The following ANK2 variants were observed in gnomAD, a reference collection of about 807,000 sequenced individuals.
ANK2 encodes the protein ankyrin 2.
A neutral mutation model predicts 360.5 loss-of-function variants in ANK2; 83 were observed. The ratio of observed to expected loss-of-function variants is 0.23; its 90% CI spans 0.19 to 0.28. ANK2 has a LOEUF of 0.28. Among genes scored for constraint, ANK2 ranks in the 10% least tolerant of loss-of-function variants. The pLI is 1.00. For synonymous variants in ANK2, 1,740 were observed against 1,759.5 expected (o/e 0.99, Z 0.28); for missense variants, 4,201 against 4,795.7 (o/e 0.88, Z 3.66).
In ANK2 at chr4:113,116,981, T is replaced by A. The variant is rs56086085; in HGVS notation, c.85-57435T>A. 1.0e-3 allele frequency: 270 copies of A among 259,876 alleles called. 1 individual carries two copies. The highest frequency in any genetic ancestry group is 3.0e-3 in the African/African-American group (135 of 45,258). The allele number at this position is 259,876 out of a possible 1,614,324, so 16.1% of individuals were successfully genotyped here. On this transcript the variant is annotated intron_variant, in intron 1 of 45. Transcript: ENST00000357077. The stretch of plus-strand genomic sequence containing the variant: ...AACTGCTGAAGAGCTGGAAGTCTAG[T>A]GCTCCGCCTTCCCCCGGGACCATTT...
At chr4:113,194,890 A>G (rs924089854) in intron 2 of ANK2, among the ~76,000 whole-genome samples, 1 of 152,160 alleles carries the variant, frequency 6.6e-6, no homozygotes, top group Non-Finnish European at 1.5e-5. Context: ...GGTATGCAGT[A>G]TATATAAAAT....
In ANK2 at chr4:113,381,582, A is replaced by C. The variant is rs1332833713; in HGVS notation, c.*111A>C. On this transcript the variant is annotated 3_prime_UTR_variant, in exon 46 of 46. Coordinates refer to ENST00000357077, the MANE Select transcript of ANK2 (RefSeq NM_001148.6). ...CTAGACCAGGACGACCTCCAGCGCG[A>C]TCTCCAGCAGCTCCTTCGGCATTTC... 5 of 1,599,400 alleles carry C rather than the reference A, an allele frequency of 3.1e-6. No individual in the cohort carries two copies. In the African/African-American group the frequency reaches 6.7e-5, roughly 21 times the overall value.
At chr4:112,713,407 T>C in the ANK2 span, among the ~76,000 whole-genome samples, 1 of 152,172 alleles carries the variant, frequency 6.6e-6, no homozygotes, top group Admixed American at 6.5e-5. Context: ...CTGTCTCTAC[T>C]AAAAATACAA....
chr4:113,028,380 C>T (rs1343339603), intron 2 of ANK2, among the ~76,000 whole-genome samples: 1 of 152,140 alleles, frequency 6.6e-6, no homozygotes, highest in Non-Finnish European at 1.5e-5. Context: ...ATGCAGAGAA[C>T]ACTTGTTATC....
intron 18 of ANK2, among the ~76,000 whole-genome samples, chr4:113,285,247 A>G (rs575022992): frequency 2.0e-5 from 3 of 151,764 alleles, no homozygotes; most frequent in African/African-American, 7.3e-5. Context: ...AAATGCGGAG[A>G]GGTTTTCCCC....
At chr4:112,805,529 G>T in the ANK2 span, among the ~76,000 whole-genome samples, 1 of 151,606 alleles carries the variant, frequency 6.6e-6, no homozygotes, top group Admixed American at 6.6e-5. Flanking sequence ...TTCCTGGGGT[G>T]GTGTAAAACA....
At chr4:113,145,910 G>A (rs1177165569) in intron 1 of ANK2, 1 of 1,289,824 alleles carries the variant, frequency 7.8e-7, no homozygotes. Context: ...ATGCGGATAA[G>A]AGCATAAGAG....
chr4:112,853,164 G>A (rs999809598), intron 1 of ANK2, among the ~76,000 whole-genome samples: 4 of 152,120 alleles, frequency 2.6e-5, no homozygotes, highest in African/African-American at 4.8e-5. Flanking sequence ...CAACTCCCTG[G>A]TTCAAGGGAT....
chr4:113,288,138 T>C (rs1229103082), intron 19 of ANK2, among the ~76,000 whole-genome samples: 2 of 152,228 alleles, frequency 1.3e-5, no homozygotes, highest in Non-Finnish European at 2.9e-5. Context: ...CTGTCTTTGC[T>C]GTTTTCAGAT....
chr4:112,973,681 T>C (rs1179984299), intron 2 of ANK2, among the ~76,000 whole-genome samples: 1 of 152,234 alleles, frequency 6.6e-6, no homozygotes, highest in Non-Finnish European at 1.5e-5. Context: ...GACTGAAATG[T>C]TAAATAATGC....
chr4:113,098,220 A>G (rs1022751073), intron 1 of ANK2, among the ~76,000 whole-genome samples: 3 of 151,910 alleles, frequency 2.0e-5, no homozygotes, highest in Non-Finnish European at 4.4e-5. Context: ...ATTACAGCAG[A>G]TACAAATGAA....
chr4:113,329,518 C>T (rs2091711069), intron 26 of ANK2, among the ~76,000 whole-genome samples: 1 of 152,134 alleles, frequency 6.6e-6, no homozygotes, highest in Admixed American at 6.5e-5. Context: ...CAGATATCTT[C>T]CAGCAGCATG....
intron 1 of ANK2, among the ~76,000 whole-genome samples, chr4:113,152,571 A>G (rs1353071934): frequency 6.6e-6 from 1 of 152,018 alleles, no homozygotes; most frequent in East Asian, 1.9e-4. Flanking sequence ...CCTTCATATC[A>G]TATTTGTGTG....
chr4:113,304,084 CA>C (rs1256541314), intron 23 of ANK2, among the ~76,000 whole-genome samples: 1 of 152,156 alleles, frequency 6.6e-6, no homozygotes, highest in Non-Finnish European at 1.5e-5. Flanking sequence ...AAGGTATTCC[CA>C]AGGCCAGCAG....
intron 2 of ANK2, among the ~76,000 whole-genome samples, chr4:113,180,971 C>A (rs575604936): frequency 3.3e-5 from 5 of 152,306 alleles, no homozygotes; most frequent in South Asian, 2.1e-4. Context: ...TTGCTCTATA[C>A]TGGGTAGTGC....
At chr4:112,831,035 A>G (rs12510987) in intron 1 of ANK2, among the ~76,000 whole-genome samples, 88,702 of 151,986 alleles carry the variant, frequency 0.58, 26,821 homozygotes, top group East Asian at 0.93. Context: ...GGCCTCAGCC[A>G]TCTCACCATA....
At chr4:113,225,835 T>C (rs1176079420) in intron 4 of ANK2, among the ~76,000 whole-genome samples, 2 of 152,324 alleles carry the variant, frequency 1.3e-5, no homozygotes, top group African/African-American at 2.4e-5. Context: ...ATTTTCACCA[T>C]TGGCTAAAAC....
At chr4:112,918,481 C>T (rs900690770) in intron 2 of ANK2, among the ~76,000 whole-genome samples, 12 of 152,114 alleles carry the variant, frequency 7.9e-5, no homozygotes, top group Non-Finnish European at 1.3e-4. Flanking sequence ...TTGACAGTAG[C>T]GGGGAGACGT....
At chr4:113,288,208 T>C (rs2065679362) in intron 19 of ANK2, among the ~76,000 whole-genome samples, 180 bp from the exon 20 acceptor site, 1 of 152,208 alleles carries the variant, frequency 6.6e-6, no homozygotes, top group Non-Finnish European at 1.5e-5. Flanking sequence ...TGATCTCTCT[T>C]GCTGATATGA....
Sources: allele counts gnomAD v4.1 joint callset (sites outside exome capture counted in the v4.1 genomes callset), GRCh38; gene constraint gnomAD v4.1.1; transcripts MANE v1.5; gene names NCBI Gene and HGNC (gene_info 2026-07-23, HGNC 2026-07-21).